Variants in RAB8A observed in about 807,000 individuals in gnomAD.
RAB8A encodes RAB8A, member RAS oncogene family.
A neutral mutation model predicts 29.2 loss-of-function variants in RAB8A; 5 were observed. The ratio of observed to expected loss-of-function variants is 0.17; its 90% CI spans 0.09 to 0.36. The LOEUF (loss-of-function observed/expected upper bound fraction) is 0.36, where lower values mean the gene tolerates loss of function less well. RAB8A is among the 10% of genes least tolerant of loss of function. The pLI is 1.00. For synonymous variants in RAB8A, 108 were observed against 99.9 expected (o/e 1.08, Z -0.49); for missense variants, 171 against 272.2 (o/e 0.63, Z 2.62).
intron 3 of RAB8A, chr19:16,124,711 GC>G (rs111343158): frequency 0.17 from 22,724 of 135,226 alleles, 826 homozygotes; most frequent in Middle Eastern, 0.21. Flanking sequence ...TTTGGAGTTA[GC>G]CCCCCCCCGC....
chr19:16,130,264 A>G (rs556835272), intron 7 of RAB8A, among the ~76,000 whole-genome samples: 1 of 152,192 alleles, frequency 6.6e-6, no homozygotes, highest in African/African-American at 2.4e-5. Context: ...TTTAGTGCCT[A>G]AACACCGTAG....
In RAB8A at chr19:16,127,613, G is replaced by T; in HGVS notation, c.414+87G>T. ...TTCCCCTGTCCCTCCTCTGCCCCAGGGGCCTGAGACGAGTTGGTCACCCCA... is the reference window on the plus strand; with the variant it reads ...TTCCCCTGTCCCTCCTCTGCCCCAGTGGCCTGAGACGAGTTGGTCACCCCA... On this transcript the variant is annotated intron_variant, in intron 5 of 7. Coordinates refer to ENST00000300935, the MANE Select transcript of RAB8A (RefSeq NM_005370.5). The surrounding 1 kb of genome is among the most constrained non-coding windows in gnomAD (Gnocchi z 4.8). 1.8e-6 allele frequency: 2 copies of T among 1,115,476 alleles called. No individual in the cohort carries two copies. The highest frequency in any genetic ancestry group is 3.8e-5 in the South Asian group (2 of 52,704). 69.1% of individuals were successfully genotyped at this position (1,115,476 alleles called of 1,614,324 possible).
chr19:16,128,234 A>G (rs2090910448), intron 6 of RAB8A, 143 bp downstream of exon 6: 4 of 878,908 alleles, frequency 4.6e-6, no homozygotes, highest in Non-Finnish European at 7.1e-6. Context: ...TCTGAGGGAC[A>G]TTTCCTGGGC....
Position 16,125,716 on chromosome 19 carries a change from C to T in RAB8A, c.324+169C>T. ...GGACTGAGATGCAAGCAGCCGGCCC[C>T]AGGGACCACACACTGGCCTGGCCCC... On this transcript the variant is annotated intron_variant, in intron 4 of 7. Transcript: ENST00000300935. The surrounding 1 kb of genome is among the most constrained non-coding windows in gnomAD (Gnocchi z 5.0). The T allele has an allele frequency of 1.4e-6, 1 of 733,862 alleles. No individual in the cohort carries two copies. The highest frequency in any genetic ancestry group is 2.4e-6 in the Non-Finnish European group (1 of 413,630). The allele number at this position is 733,862 out of a possible 1,614,324, so 45.5% of individuals were successfully genotyped here.
At chr19:16,120,537 C>G (rs1396799137) in intron 2 of RAB8A, among the ~76,000 whole-genome samples, 1 of 151,422 alleles carries the variant, frequency 6.6e-6, no homozygotes, top group Admixed American at 6.6e-5. Context: ...TCTCAAACTC[C>G]TGACCTCAGG....
At chr19:16,115,612 A>AT (rs1483140245) in intron 1 of RAB8A, among the ~76,000 whole-genome samples, 5 of 152,176 alleles carry the variant, frequency 3.3e-5, no homozygotes, top group South Asian at 2.1e-4. Context: ...GTTGCGCTTT[A>AT]ATACTTTGAT....
intron 3 of RAB8A, chr19:16,123,736 TTGCAGCTG>T (rs2090885024): frequency 6.6e-6 from 1 of 152,166 alleles, no homozygotes; most frequent in South Asian, 2.1e-4. Flanking sequence ...AGCACCACCA[TTGCAGCTG>T]TGTCCTCATC....
Position 16,125,051 on chromosome 19 carries a change from G to A in RAB8A, c.247-419G>A, listed in dbSNP as rs951615518. 2.5e-5 allele frequency: 7 copies of A among 276,596 alleles called. No homozygotes were observed. The highest frequency in any genetic ancestry group is 4.3e-5 in the African/African-American group (2 of 46,138). The allele number at this position is 276,596 out of a possible 1,614,324, so 17.1% of individuals were successfully genotyped here. On this transcript the variant is annotated intron_variant, in intron 3 of 7. Transcript: ENST00000300935. This position sits in a 1 kb window ranked among gnomAD's most constrained non-coding sequence, Gnocchi z 5.0. ...GTGGCTCAGGCAGAGCGTGGGGTGAGCAAGGGGTGAAGAGGAGGCCGATTG... is the reference window on the plus strand; with the variant it reads ...GTGGCTCAGGCAGAGCGTGGGGTGAACAAGGGGTGAAGAGGAGGCCGATTG...
At chr19:16,131,825 G>T (rs114193703) in intron 7 of RAB8A, among the ~76,000 whole-genome samples, 1,997 of 151,350 alleles carry the variant, frequency 0.013, 44 homozygotes, top group African/African-American at 0.044. Context: ...TGAGTGGATG[G>T]ATGGATGGTT....
At position 16,112,045 on chromosome 19, in the gene RAB8A, G is replaced by T; in HGVS notation, c.124+20G>T. 1 of 1,612,672 alleles carries T rather than the reference G, an allele frequency of 6.2e-7. No individual in the cohort carries two copies. The highest frequency in any genetic ancestry group is 8.5e-7 in the Non-Finnish European group (1 of 1,179,050). Reference sequence around the variant, plus strand: ...CCATAGGTAACGGGACCGGGGAATGGCTGGGGGCGCCGGAGGCCCGGGCTG... The same window carrying T: ...CCATAGGTAACGGGACCGGGGAATGTCTGGGGGCGCCGGAGGCCCGGGCTG... On this transcript the variant is annotated intron_variant, in intron 1 of 7. Coordinates refer to ENST00000300935, the MANE Select transcript of RAB8A (RefSeq NM_005370.5).
chr19:16,117,205 A>G (rs185320844), intron 1 of RAB8A, among the ~76,000 whole-genome samples: 1 of 152,188 alleles, frequency 6.6e-6, no homozygotes, highest in African/African-American at 2.4e-5. Context: ...TTTGGAGCAG[A>G]GGGCCGGGTG....
intron 7 of RAB8A, among the ~76,000 whole-genome samples, chr19:16,131,794 A>G (rs149000968): frequency 5.5e-4 from 83 of 149,826 alleles, no homozygotes; most frequent in Admixed American, 1.0e-3. Flanking sequence ...GCAGGTGGAT[A>G]GACGGATGGA....
rs2090878040 is a variant in RAB8A at position 16,122,138 on chromosome 19, T to G, written c.246+328T>G. ...GGCATGCCCCGACTTTTAGGAGCTG[T>G]CACATGACCTGCATCTGTCTCTGAA... is the stretch of plus-strand genomic sequence containing the variant. On this transcript the variant is annotated intron_variant, in intron 3 of 7. Coordinates refer to ENST00000300935, the MANE Select transcript of RAB8A (RefSeq NM_005370.5). The surrounding 1 kb of genome is among the most constrained non-coding windows in gnomAD (Gnocchi z 4.7). 1 of 250,154 alleles carries G rather than the reference T, an allele frequency of 4.0e-6. No homozygotes were observed. Among genetic ancestry groups the G allele is most frequent in the East Asian group, 7.6e-5 (1 of 13,098 alleles). 15.5% of individuals were successfully genotyped at this position (250,154 alleles called of 1,614,324 possible).
Position 16,132,162 on chromosome 19 carries a change from C to T in RAB8A, c.532-50C>T, listed in dbSNP as rs1568322951. ...GGTGGATGGCTGGTTGATTGTGAGA[C>T]GTAGTGCTGATTCTCAGTGATAACC... On this transcript the variant is annotated intron_variant, in intron 7 of 7. Coordinates refer to ENST00000300935, the MANE Select transcript of RAB8A (RefSeq NM_005370.5). The surrounding 1 kb of genome is among the most constrained non-coding windows in gnomAD (Gnocchi z 5.6). 8 of 1,387,352 alleles carry T rather than the reference C, an allele frequency of 5.8e-6. No individual in the cohort carries two copies. The highest frequency in any genetic ancestry group is 1.2e-5 in the South Asian group (1 of 86,250). 85.9% of individuals were successfully genotyped at this position (1,387,352 alleles called of 1,614,324 possible).
At position 16,127,513 on chromosome 19, in the gene RAB8A, A is replaced by C; in HGVS notation, c.401A>C (p.Glu134Ala). 1 of 1,538,212 alleles carries C rather than the reference A, an allele frequency of 6.5e-7. No homozygotes were observed. Among genetic ancestry groups the C allele is most frequent in the South Asian group, 1.3e-5 (1 of 77,932 alleles). Residue 134 changes from glutamate (E) to alanine (A), a missense_variant, in exon 5 of 8, where the codon GAA (glutamate) becomes GCA (alanine). Around this residue, in one of 3 missense-constraint regions of RAB8A, gnomAD observed 145 missense variants for 212.8 expected, o/e 0.68. Transcript: ENST00000300935. This position sits in a 1 kb window ranked among gnomAD's most constrained non-coding sequence, Gnocchi z 4.8. ...DVNDKRQVSKERGEKLALDYG... is the reference protein window; with the variant it reads ...DVNDKRQVSKARGEKLALDYG... ...AATGACAAGAGACAAGTTTCCAAGG[A>C]ACGGGGAGAAAAGGTGGGCATGGTG...
In RAB8A at chr19:16,122,353, A is replaced by T. The variant is rs1449081829; in HGVS notation, c.246+543A>T. The stretch of plus-strand genomic sequence containing the variant: ...GATGCAGAAGGCGGCCAGGGATGGG[A>T]CGAGGTCCTGTGTCAGGGGCCCTGT... On this transcript the variant is annotated intron_variant, in intron 3 of 7. Transcript: ENST00000300935. The surrounding 1 kb of genome is among the most constrained non-coding windows in gnomAD (Gnocchi z 4.7). Among the ~76,000 whole-genome samples the T allele has an allele frequency of 1.3e-5, 2 of 152,152 alleles. No homozygotes were observed. Among genetic ancestry groups the T allele is most frequent in the African/African-American group, 4.8e-5 (2 of 41,434 alleles).
intron 2 of RAB8A, among the ~76,000 whole-genome samples, chr19:16,119,177 T>C (rs1049603352): frequency 6.6e-6 from 1 of 152,160 alleles, no homozygotes; most frequent in African/African-American, 2.4e-5. Flanking sequence ...CAGCTACCCT[T>C]GACTCCAGGT....
rs368435063 is a variant in RAB8A at position 16,121,864 on chromosome 19, C to A, written c.246+54C>A. On this transcript the variant is annotated intron_variant, in intron 3 of 7. Transcript: ENST00000300935. The stretch of plus-strand genomic sequence containing the variant: ...TCTGCTTTTTAAGTCAACATGGGAG[C>A]GTCACTGTGCATTGGTTACCGAAGC... 6.2e-5 allele frequency: 93 copies of A among 1,512,012 alleles called. No homozygotes were observed. In the African/African-American group the frequency reaches 7.7e-4, roughly 13 times the overall value. 93.7% of individuals were successfully genotyped at this position (1,512,012 alleles called of 1,614,324 possible).
rs71334800 is a variant in RAB8A at position 16,122,873 on chromosome 19, G to A, written c.246+1063G>A. Among the ~76,000 whole-genome samples, 544 of 152,240 alleles carry A rather than the reference G, an allele frequency of 3.6e-3. No homozygotes were observed. The highest frequency in any genetic ancestry group is 4.5e-3 in the Non-Finnish European group (305 of 68,018). Reference sequence around the variant, plus strand: ...CCTCACAGTTCTCTGGTGGAGGGTGGGCAGGCGGCCTGAGGGCACTGGGGT... The same window carrying A: ...CCTCACAGTTCTCTGGTGGAGGGTGAGCAGGCGGCCTGAGGGCACTGGGGT... On this transcript the variant is annotated intron_variant, in intron 3 of 7. Transcript: ENST00000300935. This position sits in a 1 kb window ranked among gnomAD's most constrained non-coding sequence, Gnocchi z 4.7.
Sources: gnomAD v4.1 joint callset for allele counts (sites outside exome capture counted in the v4.1 genomes callset) on GRCh38, gnomAD v4.1.1 for gene constraint, gnomAD v4.1.1 regional missense constraint, Gnocchi (gnomAD v3.1) non-coding constraint, MANE v1.5 for transcripts, NCBI Gene and HGNC (gene_info 2026-07-23, HGNC 2026-07-21) for gene names.